The following ASAP2 variants were observed in gnomAD, a reference collection of about 807,000 sequenced individuals.
The protein encoded by ASAP2 is arf-GAP with SH3 domain, ANK repeat and PH domain-containing protein 2.
A neutral mutation model predicts 131.4 loss-of-function variants in ASAP2; 45 were observed. The observed-to-expected ratio is 0.34, with a 90% CI of 0.27 to 0.44. The LOEUF (loss-of-function observed/expected upper bound fraction) is 0.44, where lower values mean the gene tolerates loss of function less well. Ranked by LOEUF, ASAP2 falls within the 20% of genes least tolerant of loss-of-function variation. The probability of loss-of-function intolerance (pLI) is 1.00; values close to 1 mark genes in which losing one functional copy is unlikely to be tolerated. For missense variants in ASAP2, 1,011 were observed against 1,297.0 expected (o/e 0.78, Z 3.39); for synonymous variants, 510 against 503.0 (o/e 1.01, Z -0.19).
intron 14 of ASAP2, 130 bp from the exon 15 acceptor site, chr2:9,358,626 C>T: frequency 8.6e-7 from 1 of 1,163,746 alleles, no homozygotes. Context: ...GACAAAGTTT[C>T]CAGCTGTGTT....
At chr2:9,381,314 G>A (rs780796255) in intron 20 of ASAP2, among the ~76,000 whole-genome samples, 16 of 152,244 alleles carry the variant, frequency 1.1e-4, no homozygotes, top group Admixed American at 2.6e-4. Flanking sequence ...TCCCCAGCTT[G>A]GCTTGGGAAG....
At chr2:9,309,718 C>T (rs778440382) in intron 3 of ASAP2, among the ~76,000 whole-genome samples, 3 of 152,162 alleles carry the variant, frequency 2.0e-5, no homozygotes, top group African/African-American at 7.2e-5. Flanking sequence ...GAACTGTTTG[C>T]GTTGATGGGA....
chr2:9,301,546 G>T (rs1198390382), intron 3 of ASAP2, among the ~76,000 whole-genome samples: 1 of 152,220 alleles, frequency 6.6e-6, no homozygotes, highest in Non-Finnish European at 1.5e-5. Flanking sequence ...CTAATGAAAG[G>T]CTGCATTTCA....
Position 9,356,061 on chromosome 2 carries a change from C to T in ASAP2, c.1126C>T (p.His376Tyr). 6.2e-7 allele frequency: 1 copy of T among 1,614,156 alleles called. No individual in the cohort carries two copies. Among genetic ancestry groups the T allele is most frequent in the Non-Finnish European group, 8.5e-7 (1 of 1,180,040 alleles). The stretch of plus-strand genomic sequence containing the variant: ...TTGCTATGCAGATGACAGAACTTAC[C>T]ACTTTCAAGCTGAAGATGAACAGGA... ...FDLISHDRTYHFQAEDEQECQ... is the reference protein window; with the variant it reads ...FDLISHDRTYYFQAEDEQECQ... Residue 376 changes from histidine (H) to tyrosine (Y), a missense_variant, in exon 13 of 28, where the codon CAC becomes TAC. Around this residue, in one of 2 missense-constraint regions of ASAP2, gnomAD observed 359 missense variants for 598.1 expected, o/e 0.60. Transcript: ENST00000281419.
chr2:9,252,360 C>T (rs914437643), intron 1 of ASAP2, among the ~76,000 whole-genome samples: 2 of 152,020 alleles, frequency 1.3e-5, no homozygotes, highest in Non-Finnish European at 2.9e-5. Flanking sequence ...ATGGGTGGAT[C>T]ACTTTTGGCC....
chr2:9,354,657 AAAAAG>A (rs1672574893), intron 12 of ASAP2, among the ~76,000 whole-genome samples: 3 of 151,932 alleles, frequency 2.0e-5, no homozygotes, highest in African/African-American at 2.4e-5. Context: ...AAAAAAAAAA[AAAAAG>A]AAAAAGAAAA....
chr2:9,245,764 G>A (rs893416098), intron 1 of ASAP2, among the ~76,000 whole-genome samples: 5 of 152,006 alleles, frequency 3.3e-5, no homozygotes, highest in African/African-American at 9.7e-5. Context: ...TGCATTAGTC[G>A]GTTCGTCGTC....
At chr2:9,296,846 C>T (rs984396243) in intron 2 of ASAP2, among the ~76,000 whole-genome samples, 3 of 152,134 alleles carry the variant, frequency 2.0e-5, no homozygotes, top group Admixed American at 6.5e-5. Context: ...CTGCAAAGAC[C>T]ACTGCTGTTG....
rs566618594 is a variant in ASAP2, at chr2:9,354,361, C to T, written c.1112-1686C>T. ...CTGCTCTTCTCCCTCACGGCTGAAG[C>T]TCTGGAAGCCGTCCGCTTATTTGTA... On this transcript the variant is annotated intron_variant, in intron 12 of 27. Coordinates refer to ENST00000281419, the MANE Select transcript of ASAP2 (RefSeq NM_003887.3). 1.5e-4 allele frequency among the ~76,000 whole-genome samples: 23 copies of T among 152,346 alleles called. No homozygotes were observed. In the South Asian group the frequency reaches 2.3e-3, roughly 15 times the overall value.
intron 6 of ASAP2, among the ~76,000 whole-genome samples, chr2:9,327,214 T>A (rs1362674321): frequency 6.6e-6 from 1 of 151,568 alleles, no homozygotes; most frequent in Non-Finnish European, 1.5e-5. Context: ...AGAGATCATC[T>A]TCTGACAGCG....
rs1364722063 is a variant in ASAP2 at position 9,388,537 on chromosome 2, G to C, written c.2374G>C (p.Val792Leu). The C allele has an allele frequency of 2.5e-6, 4 of 1,612,894 alleles. No homozygotes were observed. Among genetic ancestry groups the C allele is most frequent in the Admixed American group, 1.7e-5 (1 of 59,624 alleles). The change falls in exon 22 of 28, where the codon GTT (valine) becomes CTT (leucine). Residue 792 changes from valine to leucine, a missense_variant. Val to Leu is a conservative substitution (Grantham distance 32). Coordinates refer to ENST00000281419, the MANE Select transcript of ASAP2 (RefSeq NM_003887.3). The stretch of plus-strand genomic sequence containing the variant: ...CGCCCCCCCGCTTCCTCCACGGAAT[G>C]TTGGCAAAGGTATGAAGCTGTCCGT... ...TSAPPLPPRN[V>L]GKVQTASSAN...
intron 3 of ASAP2, among the ~76,000 whole-genome samples, chr2:9,318,280 C>T (rs1318674619): frequency 1.3e-5 from 2 of 152,178 alleles, no homozygotes; most frequent in Non-Finnish European, 2.9e-5. Context: ...AACTTTCTAG[C>T]ATAACAATAT....
intron 20 of ASAP2, 22 bp from the exon 21 acceptor site, chr2:9,385,223 G>T: frequency 1.3e-6 from 2 of 1,573,386 alleles, no homozygotes; most frequent in South Asian, 2.2e-5. Flanking sequence ...CAACAGCACT[G>T]ACCATCCCTC....
intron 2 of ASAP2, among the ~76,000 whole-genome samples, chr2:9,285,800 C>T (rs1667421431): frequency 6.6e-6 from 1 of 152,142 alleles, no homozygotes; most frequent in African/African-American, 2.4e-5. Context: ...ACATTCTTAT[C>T]GAGAGTGATA....
At chr2:9,388,925 T>C (rs1200364089) in intron 22 of ASAP2, among the ~76,000 whole-genome samples, 2 of 152,194 alleles carry the variant, frequency 1.3e-5, no homozygotes, top group African/African-American at 4.8e-5. Flanking sequence ...TCCTTTTTAT[T>C]TCTCTTCTGC....
In ASAP2 at chr2:9,218,041, G is replaced by A. The variant is rs911778404; in HGVS notation, c.126+10811G>A. Among the ~76,000 whole-genome samples the A allele has an allele frequency of 1.8e-4, 27 of 152,044 alleles. 1 individual carries two copies. The highest frequency in any genetic ancestry group is 5.9e-5 in the Non-Finnish European group (4 of 68,018). On this transcript the variant is annotated intron_variant, in intron 1 of 27. Coordinates refer to ENST00000281419, the MANE Select transcript of ASAP2 (RefSeq NM_003887.3). ...ATTTGATCCCCTCAACAGTCCTGAG[G>A]TTAGTCCTATAGTGACATGCCTCCA...
rs1418988467 is a variant in ASAP2, at chr2:9,391,138, T to C, written c.2460T>C (p.Ser820=). The C allele has an allele frequency of 1.2e-6, 2 of 1,614,184 alleles. No individual in the cohort carries two copies. The highest frequency in any genetic ancestry group is 1.7e-6 in the Non-Finnish European group (2 of 1,180,034). Residue 820 remains serine (S), a synonymous_variant, in exon 23 of 28, where the codon TCT becomes TCC. Coordinates refer to ENST00000281419, the MANE Select transcript of ASAP2 (RefSeq NM_003887.3). ...VSVDGGSRQR[S]SSDPPAVHPP... Reference sequence around the variant, plus strand: ...TGGACGGTGGAAGCCGGCAGCGATCTTCGTCAGATCCGCCAGCTGTCCATC... The same window carrying C: ...TGGACGGTGGAAGCCGGCAGCGATCCTCGTCAGATCCGCCAGCTGTCCATC...
At chr2:9,244,070 T>C (rs1352689248) in intron 1 of ASAP2, among the ~76,000 whole-genome samples, 4 of 152,096 alleles carry the variant, frequency 2.6e-5, no homozygotes, top group Admixed American at 2.6e-4. Context: ...GAGGCCGAGG[T>C]GGGCGGCCTA....
At chr2:9,378,050 G>A (rs1170867647) in intron 18 of ASAP2, among the ~76,000 whole-genome samples, 1 of 152,160 alleles carries the variant, frequency 6.6e-6, no homozygotes, top group Non-Finnish European at 1.5e-5. Flanking sequence ...GTGGAAGGAG[G>A]ACAAAAGTGG....
Sources: gnomAD v4.1 joint callset for allele counts (sites outside exome capture counted in the v4.1 genomes callset) on GRCh38, gnomAD v4.1.1 for gene constraint, gnomAD v4.1.1 regional missense constraint, MANE v1.5 for transcripts, NCBI Gene and HGNC (gene_info 2026-07-23, HGNC 2026-07-21) for gene names.